Variants in MILR1 observed in about 807,000 individuals in gnomAD.
MILR1 encodes the protein allergin-1.
MILR1 carries 31 observed loss-of-function variants against 18.5 expected under a neutral mutation model. That is an observed-to-expected ratio of 1.68 (90% confidence interval 1.26 to 2.26). The LOEUF (loss-of-function observed/expected upper bound fraction) is 2.26. Ranked by LOEUF, MILR1 falls within the 30% of genes most tolerant of loss-of-function variation. MILR1 has a pLI of 0.00. For synonymous variants in MILR1, 85 were observed against 56.2 expected (o/e 1.51, Z -2.30); for missense variants, 257 against 157.4 (o/e 1.63, Z -3.38).
the MILR1 span, among the ~76,000 whole-genome samples, chr17:64,480,625 A>G: frequency 6.6e-6 from 1 of 152,252 alleles, no homozygotes; most frequent in African/African-American, 2.4e-5. Flanking sequence ...CAATCTTCTG[A>G]GAAATTTGTA....
At chr17:64,462,585 G>T (rs967510169) in intron 5 of MILR1, among the ~76,000 whole-genome samples, 80 of 151,704 alleles carry the variant, frequency 5.3e-4, no homozygotes, top group Admixed American at 9.2e-4. Context: ...GAAAATATTA[G>T]GTTGGTGCAT....
At chr17:64,485,718 T>A in the MILR1 span, 2 of 1,608,068 alleles carry the variant, frequency 1.2e-6, no homozygotes, top group South Asian at 2.2e-5. Context: ...CTCTGAAATA[T>A]CAACAGCACC....
At chr17:64,475,966 A>C in the MILR1 span, among the ~76,000 whole-genome samples, 1 of 151,286 alleles carries the variant, frequency 6.6e-6, no homozygotes, top group Non-Finnish European at 1.5e-5. Context: ...GGCGCCCACC[A>C]CCACGCCCAG....
At chr17:64,476,007 A>G in the MILR1 span, among the ~76,000 whole-genome samples, 2 of 151,602 alleles carry the variant, frequency 1.3e-5, no homozygotes, top group African/African-American at 4.8e-5. Context: ...TAGTTTCACC[A>G]TGTTGGCCAG....
chr17:64,489,250 G>A, the MILR1 span, among the ~76,000 whole-genome samples: 1,680 of 147,772 alleles, frequency 0.011, 28 homozygotes, highest in African/African-American at 0.04. Context: ...AACCCCCTGA[G>A]AAAGTAATCT....
At chr17:64,459,390 C>T (rs1322151057) in intron 4 of MILR1, among the ~76,000 whole-genome samples, 3 of 152,070 alleles carry the variant, frequency 2.0e-5, no homozygotes, top group South Asian at 2.1e-4. Context: ...CTGTGATCAT[C>T]GTGCCCTGCA....
chr17:64,494,649 A>G, the MILR1 span, among the ~76,000 whole-genome samples: 5 of 152,070 alleles, frequency 3.3e-5, no homozygotes, highest in African/African-American at 1.2e-4. Flanking sequence ...ATTTTAGTCA[A>G]TGTGTTATGA....
chr17:64,490,401 G>A, the MILR1 span: 4 of 234,098 alleles, frequency 1.7e-5, no homozygotes, highest in South Asian at 1.6e-4. Flanking sequence ...CATAAATCAC[G>A]TGGAAACAGC....
At chr17:64,485,545 T>TATTCTGTG in the MILR1 span, 2 of 620,382 alleles carry the variant, frequency 3.2e-6, no homozygotes, top group Non-Finnish European at 5.7e-6. Context: ...TGCCTTGTTC[T>TATTCTGTG]ATTCTGTGAG....
intron 3 of MILR1, 104 bp downstream of exon 3, chr17:64,452,970 A>C (rs1374208482): frequency 4.7e-6 from 2 of 425,046 alleles, no homozygotes; most frequent in African/African-American, 4.1e-5. Flanking sequence ...GAACCTGGAA[A>C]GTATGTTACT....
rs1555662906 is a variant in MILR1 at position 64,465,445 on chromosome 17, T to C, written c.764-7T>C. ...TTTAATTTGATGATTCCTACCTATT[T>C]ACGTAGGAAAAGCTATGAGAAATAA... On this transcript the variant is annotated splice_polypyrimidine_tract_variant and splice_region_variant and intron_variant, in intron 5 of 9. Transcript: ENST00000619286. 1.3e-6 allele frequency: 2 copies of C among 1,584,482 alleles called. No individual in the cohort carries two copies. The highest frequency in any genetic ancestry group is 2.7e-5 in the African/African-American group (2 of 74,412).
the MILR1 span, chr17:64,496,661 C>T: frequency 6.2e-7 from 1 of 1,614,036 alleles, no homozygotes; most frequent in Non-Finnish European, 8.5e-7. Flanking sequence ...CAACTCTACG[C>T]CCAAGGGTCC....
At chr17:64,461,899 T>C (rs1161599092) in intron 5 of MILR1, among the ~76,000 whole-genome samples, 1 of 152,224 alleles carries the variant, frequency 6.6e-6, no homozygotes, top group Non-Finnish European at 1.5e-5. Flanking sequence ...CTTCGATTAA[T>C]GTCCTCAAGG....
the MILR1 span, chr17:64,490,482 CA>C: frequency 2.8e-6 from 1 of 354,866 alleles, no homozygotes; most frequent in Non-Finnish European, 5.3e-6. Context: ...CAAGGTCACG[CA>C]AGACAAGAGG....
the MILR1 span, chr17:64,482,940 G>A: frequency 1.3e-6 from 2 of 1,598,576 alleles, no homozygotes; most frequent in Non-Finnish European, 1.7e-6. Context: ...CCAATGTGGG[G>A]CCTCTTCCTA....
At chr17:64,478,995 G>T in the MILR1 span, among the ~76,000 whole-genome samples, 1 of 151,974 alleles carries the variant, frequency 6.6e-6, no homozygotes, top group East Asian at 1.9e-4. Flanking sequence ...AATATCCTGG[G>T]ACAATAAAAC....
chr17:64,475,186 GAAA>G, the MILR1 span, among the ~76,000 whole-genome samples: 2 of 101,578 alleles, frequency 2.0e-5, no homozygotes, highest in African/African-American at 7.4e-5. Context: ...ACTGTCTCAA[GAAA>G]AAAAAAAAAA....
the MILR1 span, among the ~76,000 whole-genome samples, chr17:64,483,721 CTTT>C: frequency 2.9e-5 from 4 of 137,292 alleles, no homozygotes; most frequent in Admixed American, 7.4e-5. Flanking sequence ...ATGAAATTTG[CTTT>C]TTTTTTTTTT....
At chr17:64,469,641 C>T (rs782041737), downstream of MILR1, among the ~76,000 whole-genome samples, 8 of 152,220 alleles carry the variant, frequency 5.3e-5, no homozygotes, top group African/African-American at 1.9e-4. Flanking sequence ...TCAAGTGATC[C>T]GCCCACCTCG....
Sources: allele counts gnomAD v4.1 joint callset (sites outside exome capture counted in the v4.1 genomes callset), GRCh38; gene constraint gnomAD v4.1.1; transcripts MANE v1.5; gene names NCBI Gene and HGNC (gene_info 2026-07-23, HGNC 2026-07-21).